CSMD1: variants seen among roughly 807,000 people sequenced by gnomAD.
CSMD1 encodes the protein CUB and sushi domain-containing protein 1.
CSMD1 carries 213 observed loss-of-function variants against 417.5 expected under a neutral mutation model. That is an observed-to-expected ratio of 0.51 (90% confidence interval 0.46 to 0.57). The LOEUF is 0.57. Ranked by LOEUF, CSMD1 falls within the 20% of genes least tolerant of loss-of-function variation. CSMD1 has a pLI of 0.00. For missense variants in CSMD1, 6,923 were observed against 4,529.7 expected (o/e 1.53, Z -15.17); for synonymous variants, 2,862 against 1,736.8 (o/e 1.65, Z -16.11).
At chr8:3,782,046 C>A (rs1204623700) in intron 5 of CSMD1, among the ~76,000 whole-genome samples, 1 of 152,076 alleles carries the variant, frequency 6.6e-6, no homozygotes. Flanking sequence ...TATTATTATT[C>A]TGTCCACTTA....
chr8:3,288,973 C>A (rs148225948), intron 25 of CSMD1, among the ~76,000 whole-genome samples: 3,115 of 145,594 alleles, frequency 0.021, 135 homozygotes, highest in East Asian at 0.031. Context: ...CTATCCCTCC[C>A]CACTCCCCCT....
chr8:3,102,469 T>G (rs909291880), intron 46 of CSMD1, among the ~76,000 whole-genome samples: 2 of 152,104 alleles, frequency 1.3e-5, no homozygotes, highest in African/African-American at 4.8e-5. Context: ...GTCGGCAAAT[T>G]TTGTCTGCAG....
At chr8:3,562,777 G>C (rs1799524895) in intron 10 of CSMD1, among the ~76,000 whole-genome samples, 1 of 152,040 alleles carries the variant, frequency 6.6e-6, no homozygotes, top group South Asian at 2.1e-4. Flanking sequence ...GGAGGGTGGA[G>C]GGTGGGAGGG....
At chr8:4,905,108 G>A (rs755263558) in intron 1 of CSMD1, among the ~76,000 whole-genome samples, 3 of 152,026 alleles carry the variant, frequency 2.0e-5, no homozygotes, top group Non-Finnish European at 4.4e-5. Flanking sequence ...TATTTTTAGT[G>A]CTCTATATAC....
intron 1 of CSMD1, among the ~76,000 whole-genome samples, chr8:4,734,695 C>T (rs577838384): frequency 1.3e-5 from 2 of 152,156 alleles, no homozygotes; most frequent in East Asian, 3.9e-4. Context: ...ATGAGTGGGC[C>T]GTTCAAGCAA....
intron 5 of CSMD1, among the ~76,000 whole-genome samples, chr8:3,879,343 T>C (rs1447189873): frequency 6.7e-6 from 1 of 149,932 alleles, no homozygotes; most frequent in African/African-American, 2.5e-5. Context: ...AGATTATTAT[T>C]CATTAGAATC....
chr8:3,698,710 T>C (rs1051436748), intron 7 of CSMD1, among the ~76,000 whole-genome samples: 1 of 152,218 alleles, frequency 6.6e-6, no homozygotes, highest in African/African-American at 2.4e-5. Flanking sequence ...TGAAGCAAAA[T>C]GTGTTTCTCA....
At chr8:3,575,122 G>C (rs888993249) in intron 9 of CSMD1, 56 bp from the exon 10 acceptor site, 6 of 1,522,360 alleles carry the variant, frequency 3.9e-6, no homozygotes, top group African/African-American at 2.8e-5. Flanking sequence ...GTTTGGTAAA[G>C]ACATAACATT....
chr8:4,173,965 T>C (rs77422129), intron 3 of CSMD1, among the ~76,000 whole-genome samples: 4,490 of 152,152 alleles, frequency 0.03, 95 homozygotes, highest in Non-Finnish European at 0.043. Flanking sequence ...AACAAAAAAC[T>C]TTCTCCTGAC....
intron 2 of CSMD1, among the ~76,000 whole-genome samples, chr8:4,559,698 A>G (rs1458559845): frequency 6.6e-6 from 1 of 152,250 alleles, no homozygotes; most frequent in Non-Finnish European, 1.5e-5. Context: ...ATTGCTAAAC[A>G]GCAAAGATGC....
chr8:4,861,037 T>G (rs563564688), intron 1 of CSMD1, among the ~76,000 whole-genome samples: 300 of 152,266 alleles, frequency 2.0e-3, no homozygotes, highest in Middle Eastern at 6.8e-3. Context: ...TTTATCTATG[T>G]CTCCTTTTCC....
At chr8:4,013,857 G>T (rs1049077990) in intron 4 of CSMD1, among the ~76,000 whole-genome samples, 1 of 152,088 alleles carries the variant, frequency 6.6e-6, no homozygotes, top group South Asian at 2.1e-4. Flanking sequence ...GACAGACAAG[G>T]GTAGCTAAAA....
At chr8:4,623,411 GA>G (rs1467750610) in intron 2 of CSMD1, among the ~76,000 whole-genome samples, 1 of 152,114 alleles carries the variant, frequency 6.6e-6, no homozygotes, top group Admixed American at 6.5e-5. Flanking sequence ...TACCAGATTA[GA>G]AAACATTTTA....
chr8:3,442,856 G>T (rs1222410594), intron 12 of CSMD1, among the ~76,000 whole-genome samples: 3 of 151,804 alleles, frequency 2.0e-5, no homozygotes, highest in Non-Finnish European at 2.9e-5. Flanking sequence ...GTCTGTACCT[G>T]GTTTTGGCCT....
chr8:4,692,332 T>C (rs1806820475), intron 1 of CSMD1, among the ~76,000 whole-genome samples: 1 of 152,134 alleles, frequency 6.6e-6, no homozygotes, highest in Non-Finnish European at 1.5e-5. Flanking sequence ...AAAAAAAGAA[T>C]GTATTAAAAA....
intron 7 of CSMD1, among the ~76,000 whole-genome samples, chr8:3,633,958 G>A (rs75881800): frequency 0.022 from 3,367 of 151,644 alleles, 44 homozygotes; most frequent in Middle Eastern, 0.071. Flanking sequence ...AGTGGATTCA[G>A]TATGAAACAT....
chr8:3,880,348 G>A (rs1036650285), intron 5 of CSMD1, among the ~76,000 whole-genome samples: 2 of 151,934 alleles, frequency 1.3e-5, no homozygotes, highest in Admixed American at 6.6e-5. Context: ...GTTCTTTATT[G>A]TTAATTGACA....
At chr8:3,163,714 C>T (rs1450778108) in intron 37 of CSMD1, among the ~76,000 whole-genome samples, 1 of 152,140 alleles carries the variant, frequency 6.6e-6, no homozygotes, top group Non-Finnish European at 1.5e-5. Flanking sequence ...CACGCAGTGC[C>T]CACTCAGGAA....
chr8:3,131,290 A>T (rs1817778273), intron 41 of CSMD1, among the ~76,000 whole-genome samples: 1 of 152,062 alleles, frequency 6.6e-6, no homozygotes, highest in African/African-American at 2.4e-5. Flanking sequence ...ACATGTATAC[A>T]TATGTAACTA....
Sources: allele counts gnomAD v4.1 joint callset (sites outside exome capture counted in the v4.1 genomes callset), GRCh38; gene constraint gnomAD v4.1.1; transcripts MANE v1.5; gene names NCBI Gene and HGNC (gene_info 2026-07-23, HGNC 2026-07-21).